TM6SF2: variants seen among roughly 807,000 people sequenced by gnomAD.
TM6SF2 encodes transmembrane 6 superfamily member 2.
A neutral mutation model predicts 41.0 loss-of-function variants in TM6SF2; 29 were observed. The observed-to-expected ratio is 0.71, with a 90% CI of 0.53 to 0.96. The LOEUF (loss-of-function observed/expected upper bound fraction) is 0.96. TM6SF2 is among the 50% of genes least tolerant of loss of function. TM6SF2 has a pLI of 0.00. For synonymous variants in TM6SF2, 200 were observed against 209.1 expected (o/e 0.96, Z 0.37); for missense variants, 475 against 499.0 (o/e 0.95, Z 0.46).
rs181728218 is a variant in TM6SF2, at chr19:19,267,994, G to A, written c.703C>T (p.Arg235Trp). 43 of 1,610,490 alleles carry A rather than the reference G, an allele frequency of 2.7e-5. No individual in the cohort carries two copies. The East Asian group carries it at 5.1e-4, about 19-fold the overall frequency. The change falls in exon 7 of 10, where the codon CGG (arginine) becomes TGG (tryptophan). Residue 235 changes from arginine to tryptophan, a missense_variant. Physicochemically the swap from Arg to Trp is moderately radical, Grantham distance 101 (BLOSUM62 -3). Coordinates refer to ENST00000389363, the MANE Select transcript of TM6SF2 (RefSeq NM_001001524.3). ...AACCAGCGCAGACTCACCAGGCCCCGGAACAGAGTGAAGAAGCCAGCAAGG... is the reference window on the plus strand; with the variant it reads ...AACCAGCGCAGACTCACCAGGCCCCAGAACAGAGTGAAGAAGCCAGCAAGG... ...LILAGFFTLF[R>W]GLVVLDCPTD... is the part of the protein sequence containing the mutation.
At chr19:19,268,385 T>C (rs760708240) in intron 6 of TM6SF2, among the ~76,000 whole-genome samples, 3 of 151,670 alleles carry the variant, frequency 2.0e-5, no homozygotes, top group Non-Finnish European at 4.4e-5. Context: ...TTTTAACTTT[T>C]TGTAGAGTTA....
chr19:19,272,479 C>T (rs1229470609), intron 1 of TM6SF2, among the ~76,000 whole-genome samples: 1 of 152,202 alleles, frequency 6.6e-6, no homozygotes, highest in Middle Eastern at 3.2e-3. Flanking sequence ...GGTTAAGACT[C>T]TCTCCACCCC....
chr19:19,272,064 T>G (rs1251758425), intron 1 of TM6SF2, among the ~76,000 whole-genome samples: 1 of 152,120 alleles, frequency 6.6e-6, no homozygotes, highest in Non-Finnish European at 1.5e-5. Flanking sequence ...ACCCACAACC[T>G]GATAAGACAG....
At position 19,271,060 on chromosome 19, in the gene TM6SF2, A is replaced by C; in HGVS notation, c.161T>G (p.Leu54Trp). ...LGLLFVAVYS[L>W]SHGEVSYDPL... is the part of the protein sequence containing the mutation. ...GTCATAGGAGACCTCGCCATGGGAC[A>C]AGCTGTAGACCGCCACGAAAAGCAG... Residue 54 changes from leucine (L) to tryptophan (W), a missense_variant, in exon 2 of 10, where the codon TTG becomes TGG. By Grantham distance (61) the Leu-to-Trp change is moderately conservative. Transcript: ENST00000389363. 1 of 1,614,168 alleles carries C rather than the reference A, an allele frequency of 6.2e-7. No homozygotes were observed. Among genetic ancestry groups the C allele is most frequent in the Non-Finnish European group, 8.5e-7 (1 of 1,180,026 alleles).
At chr19:19,270,036 C>T in intron 4 of TM6SF2, 137 bp downstream of exon 4, 1 of 1,525,426 alleles carries the variant, frequency 6.6e-7, no homozygotes, top group Non-Finnish European at 8.8e-7. Flanking sequence ...TTCTCCTGGC[C>T]ACCCCTGGCT....
chr19:19,269,891 G>A, intron 4 of TM6SF2, 122 bp from the exon 5 acceptor site: 1 of 1,569,960 alleles, frequency 6.4e-7, no homozygotes, highest in Non-Finnish European at 8.6e-7. Flanking sequence ...TGCCCAGGAT[G>A]GAAGGGACAA....
At position 19,269,781 on chromosome 19, in the gene TM6SF2, A is replaced by T; in HGVS notation, c.402-12T>A. The T allele has an allele frequency of 6.2e-7, 1 of 1,613,968 alleles. No homozygotes were observed. Among genetic ancestry groups the T allele is most frequent in the Non-Finnish European group, 8.5e-7 (1 of 1,179,972 alleles). ...TCCGGTATCTCTTCCTGAGCAGGGG[A>T]TGGAGGGGTGACCAGCAGGTAGTCA... On this transcript the variant is annotated splice_polypyrimidine_tract_variant and intron_variant, in intron 4 of 9. Transcript: ENST00000389363.
intron 1 of TM6SF2, among the ~76,000 whole-genome samples, chr19:19,272,190 A>C (rs1366522044): frequency 1.3e-5 from 2 of 152,152 alleles, no homozygotes; most frequent in Non-Finnish European, 2.9e-5. Flanking sequence ...GGTCACACTC[A>C]AGACTCTGTC....
chr19:19,273,061 T>TGGCCCCCCCCCCCCCCCCCCCCC, intron 1 of TM6SF2, 60 bp downstream of exon 1: 3 of 305,464 alleles, frequency 9.8e-6, no homozygotes, highest in Non-Finnish European at 1.8e-5. Context: ...CCTCCAGTCC[T>TGGCCCCCCCCCCCCCCCCCCCCC]CCCCGCCCCC....
rs376977369 is a variant in TM6SF2 at position 19,266,559 on chromosome 19, A to G, written c.855T>C (p.Tyr285=). The part of the protein sequence containing the change: ...YVLPFCGLAA[Y]ALTFPGCSWL... ...AGGAGCAACCAGGGAAGGTGAGAGC[A>G]TAGGCAGCCAGGCCGCAGAAAGGCA... The change falls in exon 9 of 10, where the codon TAT becomes TAC. Residue 285 remains tyrosine (Y), a synonymous_variant. Transcript: ENST00000389363. The G allele has an allele frequency of 1.2e-6, 2 of 1,614,054 alleles. No homozygotes were observed. Among genetic ancestry groups the G allele is most frequent in the Non-Finnish European group, 8.5e-7 (1 of 1,179,928 alleles).
At chr19:19,270,107 G>A (rs749092203) in intron 4 of TM6SF2, 66 bp downstream of exon 4, 3 of 1,600,314 alleles carry the variant, frequency 1.9e-6, no homozygotes, top group Admixed American at 1.7e-5. Context: ...CCCTGCCCTG[G>A]GACCCCATCT....
At chr19:19,266,923 G>A (rs1039308515) in intron 8 of TM6SF2, among the ~76,000 whole-genome samples, 2 of 152,226 alleles carry the variant, frequency 1.3e-5, no homozygotes, top group Admixed American at 6.5e-5. Context: ...GCCAATCTGA[G>A]CCTGCCTAAG....
At position 19,269,788 on chromosome 19, in the gene TM6SF2, G is replaced by A. The variant is rs754008018; in HGVS notation, c.402-19C>T. On this transcript the variant is annotated intron_variant, in intron 4 of 9. Coordinates refer to ENST00000389363, the MANE Select transcript of TM6SF2 (RefSeq NM_001001524.3). Reference sequence around the variant, plus strand: ...TCTCTTCCTGAGCAGGGGATGGAGGGGTGACCAGCAGGTAGTCACTCCGTA... The same window carrying A: ...TCTCTTCCTGAGCAGGGGATGGAGGAGTGACCAGCAGGTAGTCACTCCGTA... 1 of 1,613,888 alleles carries A rather than the reference G, an allele frequency of 6.2e-7. No homozygotes were observed. The highest frequency in any genetic ancestry group is 1.3e-5 in the African/African-American group (1 of 75,052).
In TM6SF2 at chr19:19,270,162, G is replaced by A; in HGVS notation, c.401+11C>T. 4 of 1,613,700 alleles carry A rather than the reference G, an allele frequency of 2.5e-6. No homozygotes were observed. The South Asian group carries it at 4.4e-5, about 18-fold the overall frequency. ...CAGGGTCAGGGGCCACCCTCTCCCTGCCTCCTGCACCTTCTGCAGATGGCG... is the reference window on the plus strand; with the variant it reads ...CAGGGTCAGGGGCCACCCTCTCCCTACCTCCTGCACCTTCTGCAGATGGCG... On this transcript the variant is annotated intron_variant, in intron 4 of 9. Coordinates refer to ENST00000389363, the MANE Select transcript of TM6SF2 (RefSeq NM_001001524.3).
At position 19,267,604 on chromosome 19, in the gene TM6SF2, C is replaced by T. The variant is rs1427741494; in HGVS notation, c.804+17G>A. On this transcript the variant is annotated intron_variant, in intron 8 of 9. Transcript: ENST00000389363. Reference sequence around the variant, plus strand: ...ACCCATGGCAGGGGTGTGGTCTTCTCCCCGCTCCCCTCTCACCTGCACCTT... The same window carrying T: ...ACCCATGGCAGGGGTGTGGTCTTCTTCCCGCTCCCCTCTCACCTGCACCTT... 1 of 1,602,072 alleles carries T rather than the reference C, an allele frequency of 6.2e-7. No individual in the cohort carries two copies. The highest frequency in any genetic ancestry group is 1.7e-5 in the Admixed American group (1 of 59,342).
In TM6SF2 at chr19:19,264,370, G is replaced by T. The variant is rs1479494907; in HGVS notation, c.*294C>A. 7 of 251,212 alleles carry T rather than the reference G, an allele frequency of 2.8e-5. No individual in the cohort carries two copies. Among genetic ancestry groups the T allele is most frequent in the Non-Finnish European group, 5.3e-5 (7 of 132,204 alleles). The allele number at this position is 251,212 out of a possible 1,614,324, so 15.6% of individuals were successfully genotyped here. A position where few individuals can be genotyped will look rare whatever the true frequency, so the allele number is the denominator to read the frequency against. ...TGAAACACTTAGGCAGTGATATTTT[G>T]GAAATTGAAAGGGTTTTTACTGAAA... is the stretch of plus-strand genomic sequence containing the variant. On this transcript the variant is annotated 3_prime_UTR_variant, in exon 10 of 10. Coordinates refer to ENST00000389363, the MANE Select transcript of TM6SF2 (RefSeq NM_001001524.3).
In TM6SF2 at chr19:19,264,756, G is replaced by C. The variant is rs1218038259; in HGVS notation, c.1042C>G (p.His348Asp). 6.2e-7 allele frequency: 1 copy of C among 1,608,370 alleles called. No individual in the cohort carries two copies. The highest frequency in any genetic ancestry group is 1.3e-5 in the African/African-American group (1 of 74,598). The part of the protein sequence containing the change: ...VCNLLYALGP[H>D]LLAYRCLQWP... ...TGAAGGCAACGGTAGGCCAGCAGGT[G>C]GGGGCCCAGCGCATACAGCAGATTG... is the stretch of plus-strand genomic sequence containing the variant. The change falls in exon 10 of 10, where the codon CAC becomes GAC. Residue 348 changes from histidine to aspartate, a missense_variant. His to Asp is a moderately conservative substitution (Grantham distance 81, BLOSUM62 -1). Coordinates refer to ENST00000389363, the MANE Select transcript of TM6SF2 (RefSeq NM_001001524.3).
At chr19:19,268,191 T>A in intron 6 of TM6SF2, 104 bp from the exon 7 acceptor site, 1 of 768,990 alleles carries the variant, frequency 1.3e-6, no homozygotes, top group Non-Finnish European at 2.0e-6. Flanking sequence ...TTTCTTTTTT[T>A]CTTTTTTTTC....
intron 9 of TM6SF2, 96 bp downstream of exon 9, chr19:19,266,394 C>T (rs968966373): frequency 1.8e-5 from 27 of 1,535,058 alleles, no homozygotes; most frequent in African/African-American, 2.7e-5. Flanking sequence ...CTTGGGGGCT[C>T]ATCATTACAG....
Sources: gnomAD v4.1 joint callset for allele counts (sites outside exome capture counted in the v4.1 genomes callset) on GRCh38, gnomAD v4.1.1 for gene constraint, MANE v1.5 for transcripts, NCBI Gene and HGNC (gene_info 2026-07-23, HGNC 2026-07-21) for gene names.